CPA3: variants seen among roughly 807,000 people sequenced by gnomAD.
CPA3 encodes carboxypeptidase A3.
A neutral mutation model predicts 55.8 loss-of-function variants in CPA3; 52 were observed. The ratio of observed to expected loss-of-function variants is 0.93; its 90% confidence interval spans 0.75 to 1.17. The LOEUF (loss-of-function observed/expected upper bound fraction) is 1.17, where lower values mean the gene tolerates loss of function less well. Among genes scored for constraint, CPA3 ranks in the 50% most tolerant of loss-of-function variants. The pLI is 0.00. For synonymous variants in CPA3, 179 were observed against 171.2 expected, an observed-to-expected ratio of 1.05 and a Z score of -0.36; for missense variants, 547 against 509.1, an observed-to-expected ratio of 1.07 and a Z score of -0.72.
At chr3:148,886,040 T>A in intron 9 of CPA3, 53 bp from the exon 10 acceptor site, 1 of 1,235,556 alleles carries the variant, frequency 8.1e-7, no homozygotes, top group Middle Eastern at 1.9e-4. Context: ...TACATATTCC[T>A]TGGTATTTAC....
chr3:148,895,814 AC>A (rs1714812069), intron 10 of CPA3, among the ~76,000 whole-genome samples: 1 of 151,850 alleles, frequency 6.6e-6, no homozygotes, highest in African/African-American at 2.4e-5. Context: ...TACAAAAAAA[AC>A]CTTTTATATC....
In CPA3 at chr3:148,895,628, A is replaced by G. The variant is rs548756994; in HGVS notation, c.1067-892A>G. On this transcript the variant is annotated intron_variant, in intron 10 of 10. Transcript: ENST00000296046. ...CCAAGAAATGTGTCTTGTAAATATT[A>G]AAGGTTTAATAAATATTTGGTGACC... is the stretch of plus-strand genomic sequence containing the variant. Among the ~76,000 whole-genome samples, 152 of 152,320 alleles carry G rather than the reference A, an allele frequency of 1.0e-3. 1 individual carries two copies. The highest frequency in any genetic ancestry group is 3.4e-3 in the Middle Eastern group (1 of 294).
intron 10 of CPA3, among the ~76,000 whole-genome samples, chr3:148,895,075 T>C (rs1714787762): frequency 6.6e-6 from 1 of 152,214 alleles, no homozygotes; most frequent in South Asian, 2.1e-4. Flanking sequence ...TTCACACTAC[T>C]TCATAACTGG....
At chr3:148,892,366 T>C (rs946026108) in intron 10 of CPA3, among the ~76,000 whole-genome samples, 19 of 152,094 alleles carry the variant, frequency 1.2e-4, no homozygotes, top group Non-Finnish European at 4.4e-5. Context: ...GAAAACTATA[T>C]TGTCAGCTGA....
rs1714163610 is a variant in CPA3 at position 148,874,728 on chromosome 3, G to A, written c.270-3713G>A. 3.3e-5 allele frequency among the ~76,000 whole-genome samples: 5 copies of A among 152,194 alleles called. No homozygotes were observed. The South Asian group carries it at 1.0e-3, about 31-fold the overall frequency. On this transcript the variant is annotated intron_variant, in intron 3 of 10. Coordinates refer to ENST00000296046, the MANE Select transcript of CPA3 (RefSeq NM_001870.4). ...CGTTTGTGTTCCACATCAGAACTCA[G>A]ATCAGTCAGTCAATCAGCAAGGAGA...
intron 2 of CPA3, 143 bp downstream of exon 2, chr3:148,865,691 T>G: frequency 1.3e-6 from 1 of 741,204 alleles, no homozygotes. Context: ...ATTCAGCCAA[T>G]GGCCAATACT....
At position 148,879,794 on chromosome 3, in the gene CPA3, GA is replaced by G; in HGVS notation, c.485del (p.Lys162ArgfsTer42). On this transcript the variant is annotated frameshift_variant, in exon 6 of 11. Coordinates refer to ENST00000296046, the MANE Select transcript of CPA3 (RefSeq NM_001870.4). LOFTEE classifies it high-confidence loss of function. ...DNPLYVLKIG[E>X]KNERRKAIFT... ...CAAGTTTACTTTTAAATAGATTGGG[GA>G]AAAGAATGAAAGAAGAAAGGCTATT... 6.2e-7 allele frequency: 1 copy of G among 1,602,818 alleles called. No homozygotes were observed. Among genetic ancestry groups the G allele is most frequent in the Non-Finnish European group, 8.5e-7 (1 of 1,170,110 alleles).
At chr3:148,894,450 G>T (rs1200918334) in intron 10 of CPA3, among the ~76,000 whole-genome samples, 1 of 108,092 alleles carries the variant, frequency 9.3e-6, no homozygotes, top group African/African-American at 3.5e-5. Context: ...AAGATAAAGG[G>T]ATAAAAACAG....
chr3:148,882,525 T>G lies in CPA3; in HGVS notation c.708T>G (p.Asn236Lys), dbSNP rs199944830. Residue 236 changes from asparagine to lysine, a missense_variant, in exon 8 of 11, where the codon AAT becomes AAG. Physicochemically the swap from Asn to Lys is moderately conservative, Grantham distance 94. Transcript: ENST00000296046. ...SWTKNRMWRK[N>K]RSKNQNSKCI... ...GGCAGAACCGCATGTGGAGAAAAAA[T>G]CGTTCCAAGAACCAAAACTCCAAAT... is the stretch of plus-strand genomic sequence containing the variant. The G allele has an allele frequency of 2.2e-4, 347 of 1,613,564 alleles. 2 individuals carry two copies. The South Asian group carries it at 3.7e-3, about 17-fold the overall frequency.
chr3:148,889,919 T>A lies in CPA3; in HGVS notation c.1066+3742T>A, dbSNP rs559051866. On this transcript the variant is annotated intron_variant, in intron 10 of 10. Transcript: ENST00000296046. ...TCAGGAAGCTTTTAAAATACATGAA[T>A]GATTATACCCCCAGCCCCCAGAGAT... 7.5e-5 allele frequency among the ~76,000 whole-genome samples: 11 copies of A among 146,714 alleles called. No homozygotes were observed. The South Asian group carries it at 2.4e-3, about 32-fold the overall frequency.
At chr3:148,865,620 A>T (rs186016274) in intron 2 of CPA3, 72 bp downstream of exon 2, 1 of 1,331,968 alleles carries the variant, frequency 7.5e-7, no homozygotes, top group Non-Finnish European at 1.1e-6. Flanking sequence ...TTTTACTGTC[A>T]ATGCCCATGG....
chr3:148,889,397 G>A (rs1714611100), intron 10 of CPA3, among the ~76,000 whole-genome samples: 1 of 152,122 alleles, frequency 6.6e-6, no homozygotes, highest in South Asian at 2.1e-4. Flanking sequence ...GACTGGGGGA[G>A]CATTTTTTAA....
chr3:148,876,214 AT>A (rs1413662296), intron 3 of CPA3, among the ~76,000 whole-genome samples: 1 of 151,562 alleles, frequency 6.6e-6, no homozygotes, highest in Non-Finnish European at 1.5e-5. Context: ...ATATATATAT[AT>A]ATAAATAGAT....
chr3:148,889,490 A>T (rs1714613707), intron 10 of CPA3, among the ~76,000 whole-genome samples: 1 of 152,172 alleles, frequency 6.6e-6, no homozygotes, highest in African/African-American at 2.4e-5. Flanking sequence ...AACATATCAG[A>T]TAAGTTAAAA....
intron 10 of CPA3, among the ~76,000 whole-genome samples, chr3:148,893,855 G>A (rs1362057071): frequency 2.0e-5 from 3 of 152,180 alleles, no homozygotes; most frequent in Non-Finnish European, 2.9e-5. Flanking sequence ...AAGTCAAAAG[G>A]AAGTGACATT....
chr3:148,873,730 C>T (rs1477937311), intron 3 of CPA3, among the ~76,000 whole-genome samples: 1 of 152,206 alleles, frequency 6.6e-6, no homozygotes. Flanking sequence ...CAAATTCCAA[C>T]TTCTGTATTT....
rs767938478 is a variant in CPA3, at chr3:148,865,386, C to T, written c.68+11C>T. The T allele has an allele frequency of 2.5e-6, 4 of 1,613,980 alleles. No homozygotes were observed. Among genetic ancestry groups the T allele is most frequent in the South Asian group, 2.2e-5 (2 of 91,076 alleles). The stretch of plus-strand genomic sequence containing the variant: ...TGTCCGCTTTGACAGGTAAATCTTA[C>T]TTCCTGTGTTCCAGTCTCTGTGTAG... On this transcript the variant is annotated intron_variant, in intron 1 of 10. Coordinates refer to ENST00000296046, the MANE Select transcript of CPA3 (RefSeq NM_001870.4).
At chr3:148,865,891 A>G (rs1382512793) in intron 2 of CPA3, among the ~76,000 whole-genome samples, 1 of 152,072 alleles carries the variant, frequency 6.6e-6, no homozygotes, top group Admixed American at 6.5e-5. Context: ...TCCGACCCTC[A>G]TCTCCTCTGG....
rs1261854676 is a variant in CPA3 at position 148,883,816 on chromosome 3, G to C, written c.981+1G>C. The stretch of plus-strand genomic sequence containing the variant: ...ACTGCCACCTAACCATGAGGACTTG[G>C]TACGTAGACAAAAGTTTGCACTTCA... On this transcript the variant is annotated splice_donor_variant, in intron 9 of 10. Transcript: ENST00000296046. LOFTEE classifies it high-confidence loss of function. 6.2e-7 allele frequency: 1 copy of C among 1,611,842 alleles called. No homozygotes were observed.
Sources: gnomAD v4.1 joint callset for allele counts (sites outside exome capture counted in the v4.1 genomes callset) on GRCh38, gnomAD v4.1.1 for gene constraint, MANE v1.5 for transcripts, NCBI Gene and HGNC (gene_info 2026-07-23, HGNC 2026-07-21) for gene names.